NUDCD3: variants seen among roughly 807,000 people sequenced by gnomAD.
NUDCD3 encodes nudC domain-containing protein 3.
A neutral mutation model predicts 39.7 loss-of-function variants in NUDCD3; 13 were observed. The ratio of observed to expected loss-of-function variants is 0.33; its 90% CI spans 0.21 to 0.52. The LOEUF (loss-of-function observed/expected upper bound fraction) is 0.52, where lower values mean the gene tolerates loss of function less well. NUDCD3 is among the 20% of genes least tolerant of loss of function. NUDCD3 has a pLI of 0.96. For missense variants in NUDCD3, 453 were observed against 458.1 expected, an observed-to-expected ratio of 0.99 and a Z score of 0.10; for synonymous variants, 175 against 172.4, an observed-to-expected ratio of 1.02 and a Z score of -0.12.
At chr7:44,479,266 GACT>G (rs1218299886) in intron 2 of NUDCD3, among the ~76,000 whole-genome samples, 4 of 152,162 alleles carry the variant, frequency 2.6e-5, no homozygotes, top group Non-Finnish European at 5.9e-5. Context: ...GTGGTTACAA[GACT>G]ACATTTGTCC....
At chr7:44,430,597 CACACACA>C (rs1799344722) in intron 2 of NUDCD3, among the ~76,000 whole-genome samples, 1 of 151,150 alleles carries the variant, frequency 6.6e-6, no homozygotes, top group African/African-American at 2.5e-5. Context: ...CACACACACA[CACACACA>C]AAAGACCAAC....
At chr7:44,399,269 T>C (rs1364193648) in intron 4 of NUDCD3, among the ~76,000 whole-genome samples, 2 of 152,234 alleles carry the variant, frequency 1.3e-5, no homozygotes, top group Non-Finnish European at 2.9e-5. Flanking sequence ...AAGCTTCAGC[T>C]CTTCCCTACT....
chr7:44,416,590 C>A (rs940296412), intron 3 of NUDCD3, among the ~76,000 whole-genome samples: 1 of 152,086 alleles, frequency 6.6e-6, no homozygotes, highest in Non-Finnish European at 1.5e-5. Context: ...GTTTTTCCAA[C>A]CCCATAGGAG....
At chr7:44,443,201 T>A (rs1372727587) in intron 2 of NUDCD3, among the ~76,000 whole-genome samples, 1 of 151,876 alleles carries the variant, frequency 6.6e-6, no homozygotes, top group East Asian at 1.9e-4. Flanking sequence ...ACACTCTGCA[T>A]ACAGGTGGGA....
At chr7:44,392,595 CA>C (rs947285712) in intron 4 of NUDCD3, 110 bp from the exon 5 acceptor site, 6 of 902,222 alleles carry the variant, frequency 6.7e-6, no homozygotes, top group Middle Eastern at 2.6e-4. Context: ...AGCTCAGGAC[CA>C]ACTACACAAA....
At chr7:44,453,922 G>C (rs1799841625) in intron 2 of NUDCD3, among the ~76,000 whole-genome samples, 1 of 152,122 alleles carries the variant, frequency 6.6e-6, no homozygotes, top group South Asian at 2.1e-4. Context: ...GCATGTCTGT[G>C]CTTCCAGCTA....
At chr7:44,448,365 G>A (rs1310319978) in intron 2 of NUDCD3, among the ~76,000 whole-genome samples, 2 of 152,190 alleles carry the variant, frequency 1.3e-5, no homozygotes, top group East Asian at 1.9e-4. Context: ...GAGGAGATGT[G>A]GAGAGTGACT....
Position 44,434,803 on chromosome 7 carries a change from G to C in NUDCD3, c.510-7100C>G, listed in dbSNP as rs563625521. 4.6e-5 allele frequency among the ~76,000 whole-genome samples: 7 copies of C among 152,284 alleles called. No individual in the cohort carries two copies. The South Asian group carries it at 1.5e-3, about 32-fold the overall frequency. On this transcript the variant is annotated intron_variant, in intron 2 of 5. Coordinates refer to ENST00000355451, the MANE Select transcript of NUDCD3 (RefSeq NM_015332.4). ...CTTCCCCGCACAGCAACCAGGTAAC[G>C]GTGACTAGGTCACTCAGCCTCTCTG...
intron 2 of NUDCD3, among the ~76,000 whole-genome samples, chr7:44,471,460 C>G (rs1363052564): frequency 6.6e-6 from 1 of 152,188 alleles, no homozygotes; most frequent in African/African-American, 2.4e-5. Flanking sequence ...TAACAACCAG[C>G]TCAGGGCTAG....
chr7:44,473,955 G>T (rs533785176), intron 2 of NUDCD3, among the ~76,000 whole-genome samples: 39 of 152,226 alleles, frequency 2.6e-4, no homozygotes, highest in African/African-American at 8.7e-4. Flanking sequence ...TTTTAATTAG[G>T]ACACTATAAG....
intron 2 of NUDCD3, among the ~76,000 whole-genome samples, chr7:44,479,151 C>T (rs143989298): frequency 6.6e-6 from 1 of 152,284 alleles, no homozygotes; most frequent in Non-Finnish European, 1.5e-5. Flanking sequence ...CACTGCCTCC[C>T]ACCGGGTCCC....
chr7:44,431,606 T>C (rs1299432741), intron 2 of NUDCD3, among the ~76,000 whole-genome samples: 2 of 151,626 alleles, frequency 1.3e-5, no homozygotes, highest in African/African-American at 4.8e-5. Flanking sequence ...GTCAGGAAAC[T>C]GACCTACCCA....
rs1048657657 is a variant in NUDCD3, at chr7:44,475,515, T to C, written c.509+9453A>G. On this transcript the variant is annotated intron_variant, in intron 2 of 5. Transcript: ENST00000355451. ...ACTCATGCCTGTAATTCCAGCACTT[T>C]GAGAGGCTGAGGCAGGAGGATCTCT... Among the ~76,000 whole-genome samples, 57 of 152,308 alleles carry C rather than the reference T, an allele frequency of 3.7e-4. 1 individual carries two copies. The highest frequency in any genetic ancestry group is 6.8e-3 in the Middle Eastern group (2 of 294).
intron 2 of NUDCD3, among the ~76,000 whole-genome samples, chr7:44,464,435 C>T (rs541567203): frequency 6.6e-6 from 1 of 152,090 alleles, no homozygotes; most frequent in Non-Finnish European, 1.5e-5. Flanking sequence ...CAGAAAACAT[C>T]AGGCAGAGAA....
intron 3 of NUDCD3, among the ~76,000 whole-genome samples, chr7:44,408,456 C>G (rs1488861236): frequency 6.6e-6 from 1 of 152,012 alleles, no homozygotes; most frequent in Non-Finnish European, 1.5e-5. Context: ...CTGGGTAATT[C>G]TGAGGTTATG....
intron 2 of NUDCD3, among the ~76,000 whole-genome samples, chr7:44,448,638 G>A (rs940926671): frequency 2.0e-5 from 3 of 152,156 alleles, no homozygotes; most frequent in Non-Finnish European, 4.4e-5. Flanking sequence ...TCTAAGCTGA[G>A]TGACACCTTC....
chr7:44,447,707 G>A (rs999325518), intron 2 of NUDCD3, among the ~76,000 whole-genome samples: 1 of 152,198 alleles, frequency 6.6e-6, no homozygotes, highest in Admixed American at 6.5e-5. Context: ...CAAGTATTCT[G>A]TTACAGCAGC....
At chr7:44,386,246 A>G in intron 5 of NUDCD3, 125 bp from the exon 6 acceptor site, 1 of 1,037,622 alleles carries the variant, frequency 9.6e-7, no homozygotes, top group Admixed American at 2.3e-5. Context: ...TTGCCTGGCA[A>G]GACCGGCTGG....
intron 2 of NUDCD3, among the ~76,000 whole-genome samples, chr7:44,441,988 C>T (rs900558523): frequency 1.3e-5 from 2 of 152,102 alleles, no homozygotes; most frequent in South Asian, 2.1e-4. Flanking sequence ...ACTCACTGTG[C>T]CCTTGGGTTC....
Sources: gnomAD v4.1 joint callset for allele counts (sites outside exome capture counted in the v4.1 genomes callset) on GRCh38, gnomAD v4.1.1 for gene constraint, MANE v1.5 for transcripts, NCBI Gene and HGNC (gene_info 2026-07-23, HGNC 2026-07-21) for gene names.